ATXN1: variants seen among roughly 807,000 people sequenced by gnomAD.
ATXN1 encodes ataxin-1.
A neutral mutation model predicts 56.4 loss-of-function variants in ATXN1; 8 were observed. The ratio of observed to expected loss-of-function variants is 0.14; its 90% CI spans 0.08 to 0.26. The LOEUF (loss-of-function observed/expected upper bound fraction) is 0.26, where lower values mean the gene tolerates loss of function less well. Ranked by LOEUF, ATXN1 falls within the 10% of genes least tolerant of loss-of-function variation. The pLI, the probability that ATXN1 is intolerant of heterozygous loss-of-function variation, is 1.00. For missense variants in ATXN1, 987 were observed against 1,106.5 expected (o/e 0.89, Z 1.53); for synonymous variants, 514 against 494.6 (o/e 1.04, Z -0.52).
intron 6 of ATXN1, among the ~76,000 whole-genome samples, chr6:16,383,268 G>C (rs770557277): frequency 5.9e-5 from 9 of 152,134 alleles, no homozygotes; most frequent in Non-Finnish European, 1.2e-4. Flanking sequence ...TTAATTCATG[G>C]AACATTTTAT....
chr6:16,599,865 G>A (rs531493670), intron 3 of ATXN1, among the ~76,000 whole-genome samples: 23 of 152,260 alleles, frequency 1.5e-4, no homozygotes, highest in Non-Finnish European at 1.2e-4. Context: ...TCCCCCAAGA[G>A]GCCTATTTGG....
chr6:16,335,133 T>A (rs1393260222), intron 6 of ATXN1, among the ~76,000 whole-genome samples: 1 of 152,270 alleles, frequency 6.6e-6, no homozygotes, highest in East Asian at 1.9e-4. Context: ...GATTCCACTC[T>A]GTGTCAAGGT....
chr6:16,333,641 C>T (rs774980470), intron 6 of ATXN1, among the ~76,000 whole-genome samples: 3 of 152,184 alleles, frequency 2.0e-5, no homozygotes, highest in Non-Finnish European at 4.4e-5. Context: ...AAACAGGGCA[C>T]GGTTTCAGCT....
At chr6:16,518,468 C>T (rs951990505) in intron 5 of ATXN1, among the ~76,000 whole-genome samples, 1 of 152,162 alleles carries the variant, frequency 6.6e-6, no homozygotes, top group African/African-American at 2.4e-5. Context: ...TGCAGGTGGC[C>T]TGCGACCAGG....
chr6:16,651,516 C>T (rs1350917092), intron 3 of ATXN1, among the ~76,000 whole-genome samples: 2 of 141,242 alleles, frequency 1.4e-5, no homozygotes, highest in Non-Finnish European at 3.0e-5. Context: ...TGCACTCCAG[C>T]GTGGGTGACA....
intron 6 of ATXN1, among the ~76,000 whole-genome samples, chr6:16,390,680 T>A (rs1047688763): frequency 6.8e-5 from 10 of 147,262 alleles, no homozygotes; most frequent in African/African-American, 2.2e-4. Flanking sequence ...AATAAACACA[T>A]CACACACACA....
In ATXN1 at chr6:16,761,339, G is replaced by C. The variant is rs1014960494; in HGVS notation, c.-771C>G. 6.6e-6 allele frequency: 3 copies of C among 456,172 alleles called. No homozygotes were observed. Among genetic ancestry groups the C allele is most frequent in the South Asian group, 1.5e-5 (1 of 64,528 alleles). The allele number at this position is 456,172 out of a possible 1,614,324, so 28.3% of individuals were successfully genotyped here. A position where few individuals can be genotyped will look rare whatever the true frequency, so the allele number is the denominator to read the frequency against. On this transcript the variant is annotated 5_prime_UTR_variant, in exon 1 of 8. Coordinates refer to ENST00000436367, the MANE Select transcript of ATXN1 (RefSeq NM_001128164.2). The stretch of plus-strand genomic sequence containing the variant: ...ATCTGGGGTTGCGTGGGGAAGGGGG[G>C]GCAGAGGGAGAGAAACAATGTCTTG...
At chr6:16,582,054 T>A (rs998689975) in intron 4 of ATXN1, among the ~76,000 whole-genome samples, 1 of 152,214 alleles carries the variant, frequency 6.6e-6, no homozygotes, top group African/African-American at 2.4e-5. Context: ...GACAGTACGC[T>A]TCTCTCCTTA....
At chr6:16,439,601 T>C (rs1365903808) in intron 6 of ATXN1, among the ~76,000 whole-genome samples, 3 of 152,138 alleles carry the variant, frequency 2.0e-5, no homozygotes, top group South Asian at 2.1e-4. Context: ...TTTCTACATA[T>C]GTTAAACAAA....
chr6:16,461,727 C>T (rs1366782000), intron 6 of ATXN1, among the ~76,000 whole-genome samples: 1 of 152,190 alleles, frequency 6.6e-6, no homozygotes, highest in Non-Finnish European at 1.5e-5. Context: ...AATGGTCCGG[C>T]TCTTAAAGCC....
chr6:16,514,296 CAA>C (rs1761137376), intron 5 of ATXN1, among the ~76,000 whole-genome samples: 1 of 151,918 alleles, frequency 6.6e-6, no homozygotes, highest in African/African-American at 2.4e-5. Flanking sequence ...AAAAGAAAAA[CAA>C]AAAAAGACTG....
At chr6:16,434,925 A>G (rs1759357069) in intron 6 of ATXN1, among the ~76,000 whole-genome samples, 2 of 152,240 alleles carry the variant, frequency 1.3e-5, no homozygotes, top group South Asian at 2.1e-4. Context: ...ACTCCAGAGA[A>G]GCTGTGGCTC....
chr6:16,423,091 C>A (rs1759069359), intron 6 of ATXN1, among the ~76,000 whole-genome samples: 1 of 152,138 alleles, frequency 6.6e-6, no homozygotes, highest in Non-Finnish European at 1.5e-5. Context: ...TAATCACACA[C>A]CTCTCTCTGA....
At chr6:16,362,041 C>T (rs776780026) in intron 6 of ATXN1, among the ~76,000 whole-genome samples, 17 of 152,184 alleles carry the variant, frequency 1.1e-4, no homozygotes, top group Non-Finnish European at 1.6e-4. Flanking sequence ...GGCCTTTGTT[C>T]CCTTGCTGGG....
intron 6 of ATXN1, among the ~76,000 whole-genome samples, chr6:16,389,522 GTCT>G (rs1561877201): frequency 6.6e-6 from 1 of 151,874 alleles, no homozygotes; most frequent in Non-Finnish European, 1.5e-5. Context: ...TAATTTTCTT[GTCT>G]TCTTTAGGCT....
chr6:16,753,440 A>C (rs530420229), intron 1 of ATXN1, 93 bp from the exon 2 acceptor site: 5 of 429,994 alleles, frequency 1.2e-5, no homozygotes, highest in African/African-American at 1.0e-4. Flanking sequence ...GTGTCTATGC[A>C]CCGAAATACA....
At chr6:16,540,020 C>T (rs1761681819) in intron 4 of ATXN1, among the ~76,000 whole-genome samples, 1 of 152,178 alleles carries the variant, frequency 6.6e-6, no homozygotes, top group African/African-American at 2.4e-5. Flanking sequence ...GTTCGGAACT[C>T]TTTTCTTGAC....
intron 3 of ATXN1, among the ~76,000 whole-genome samples, chr6:16,601,089 A>G (rs919644034): frequency 2.0e-5 from 3 of 152,326 alleles, no homozygotes; most frequent in South Asian, 2.1e-4. Context: ...GGACCCCACC[A>G]TCACCTACTA....
intron 4 of ATXN1, among the ~76,000 whole-genome samples, chr6:16,529,208 G>T (rs7749506): frequency 0.077 from 9,408 of 122,968 alleles, 570 homozygotes; most frequent in African/African-American, 0.19. Flanking sequence ...AGGGTTTTTT[G>T]TTTTTTTTTT....
Sources: gnomAD v4.1 joint callset for allele counts (sites outside exome capture counted in the v4.1 genomes callset) on GRCh38, gnomAD v4.1.1 for gene constraint, MANE v1.5 for transcripts, NCBI Gene and HGNC (gene_info 2026-07-23, HGNC 2026-07-21) for gene names.